OR6N1: variants seen among roughly 807,000 people sequenced by gnomAD.
OR6N1 encodes olfactory receptor family 6 subfamily N member 1, also known as olfactory receptor 6N1.
For missense variants in OR6N1, 394 were observed against 371.7 expected (o/e 1.06, Z -0.49); for synonymous variants, 170 against 150.7 (o/e 1.13, Z -0.94).
At chr1:158,779,285 G>GT in the OR6N1 span, among the ~76,000 whole-genome samples, 1 of 152,126 alleles carries the variant, frequency 6.6e-6, no homozygotes, top group African/African-American at 2.4e-5. Flanking sequence ...ACCATACCCT[G>GT]TGTAGATCAT....
chr1:158,831,868 T>G, the OR6N1 span, among the ~76,000 whole-genome samples: 2 of 152,138 alleles, frequency 1.3e-5, no homozygotes, highest in African/African-American at 4.8e-5. Flanking sequence ...ACTTGGTGAC[T>G]GGGTTTGGGC....
chr1:158,825,941 A>G, the OR6N1 span, among the ~76,000 whole-genome samples: 1 of 152,208 alleles, frequency 6.6e-6, no homozygotes, highest in African/African-American at 2.4e-5. Context: ...AATACTACAC[A>G]GCCATAAAAA....
the OR6N1 span, among the ~76,000 whole-genome samples, chr1:158,817,118 G>A: frequency 6.6e-6 from 1 of 152,280 alleles, no homozygotes; most frequent in Admixed American, 6.5e-5. Context: ...GAGTACGAAG[G>A]TTTTCAGAAA....
the OR6N1 span, among the ~76,000 whole-genome samples, chr1:158,836,577 T>C: frequency 1.3e-5 from 2 of 151,970 alleles, no homozygotes; most frequent in African/African-American, 2.4e-5. Flanking sequence ...TGTTCTCTTT[T>C]TAGTTTCTGA....
upstream of OR6N1, chr1:158,777,119 C>G (rs1211755840): frequency 6.2e-7 from 1 of 1,614,032 alleles, no homozygotes; most frequent in Non-Finnish European, 8.5e-7. Flanking sequence ...TGTTGGATTT[C>G]ATTGTAAGCA....
chr1:158,789,040 C>G, the OR6N1 span, among the ~76,000 whole-genome samples: 1 of 152,140 alleles, frequency 6.6e-6, no homozygotes, highest in African/African-American at 2.4e-5. Context: ...CAACAACCAA[C>G]TTTCTATCTT....
At chr1:158,806,289 T>C in the OR6N1 span, among the ~76,000 whole-genome samples, 1 of 152,142 alleles carries the variant, frequency 6.6e-6, no homozygotes, top group African/African-American at 2.4e-5. Context: ...CAAGATAAAT[T>C]TGGACCCTTA....
At chr1:158,822,358 T>C in the OR6N1 span, among the ~76,000 whole-genome samples, 230 of 152,316 alleles carry the variant, frequency 1.5e-3, no homozygotes, top group Non-Finnish European at 2.6e-3. Flanking sequence ...TCCATGTGTT[T>C]GTGTCATCTC....
the OR6N1 span, among the ~76,000 whole-genome samples, chr1:158,821,617 C>T: frequency 6.6e-6 from 1 of 152,120 alleles, no homozygotes; most frequent in East Asian, 1.9e-4. Context: ...CTTAATGTCT[C>T]ATTTCTTCTA....
chr1:158,776,611 G>T, upstream of OR6N1: 1 of 816,520 alleles, frequency 1.2e-6, no homozygotes, highest in Non-Finnish European at 2.0e-6. Flanking sequence ...GAGCATGTGT[G>T]ATGATGGGAA....
the OR6N1 span, among the ~76,000 whole-genome samples, chr1:158,804,383 G>T: frequency 6.6e-6 from 1 of 152,194 alleles, no homozygotes; most frequent in African/African-American, 2.4e-5. Flanking sequence ...TAAAAAACAA[G>T]TCATCATTTT....
At chr1:158,782,584 C>T in the OR6N1 span, among the ~76,000 whole-genome samples, 1 of 152,130 alleles carries the variant, frequency 6.6e-6, no homozygotes. Context: ...TCATATTAGG[C>T]AATTTTAGGT....
At chr1:158,766,990 T>C (rs1378576322) in intron 1 of OR6N1, among the ~76,000 whole-genome samples, 1 of 152,196 alleles carries the variant, frequency 6.6e-6, no homozygotes, top group Non-Finnish European at 1.5e-5. Context: ...AGAATCTATA[T>C]AGATTTTAGA....
the OR6N1 span, among the ~76,000 whole-genome samples, chr1:158,816,959 C>T: frequency 6.6e-6 from 1 of 152,332 alleles, no homozygotes. Context: ...CACAGTCACT[C>T]AGTCTGCTGG....
At chr1:158,778,886 C>T in the OR6N1 span, among the ~76,000 whole-genome samples, 1 of 151,646 alleles carries the variant, frequency 6.6e-6, no homozygotes, top group East Asian at 1.9e-4. Context: ...GGCGTGGTGG[C>T]GGGCACCTGC....
the OR6N1 span, among the ~76,000 whole-genome samples, chr1:158,782,145 A>G: frequency 6.6e-6 from 1 of 152,188 alleles, no homozygotes; most frequent in Non-Finnish European, 1.5e-5. Flanking sequence ...TTACCTATGT[A>G]CCCTCAGGCA....
chr1:158,777,463 G>C, the OR6N1 span: 3 of 1,614,190 alleles, frequency 1.9e-6, no homozygotes, highest in Non-Finnish European at 2.5e-6. Flanking sequence ...GTGGTACATA[G>C]GTGTGTGCAG....
rs887830624 is a variant in OR6N1 at position 158,766,534 on chromosome 1, C to A, written c.149G>T (p.Cys50Phe). 2.5e-6 allele frequency: 4 copies of A among 1,613,892 alleles called. No individual in the cohort carries two copies. Among genetic ancestry groups the A allele is most frequent in the African/African-American group, 2.7e-5 (2 of 74,866 alleles). Reference sequence around the variant, plus strand: ...GGGTGTGTGAAGCCGGGAGTCCAGGCAGACCACCAGGAATATCAGCAGGTT... The same window carrying A: ...GGGTGTGTGAAGCCGGGAGTCCAGGAAGACCACCAGGAATATCAGCAGGTT... ...LGNLLIFLVV[C>F]LDSRLHTPMY... The change falls in exon 2 of 2, where the codon TGC becomes TTC. Residue 50 changes from cysteine to phenylalanine, a missense_variant. Physicochemically the swap from Cys to Phe is radical, Grantham distance 205. Transcript: ENST00000641846.
At chr1:158,832,099 T>C in the OR6N1 span, among the ~76,000 whole-genome samples, 1 of 152,150 alleles carries the variant, frequency 6.6e-6, no homozygotes, top group Non-Finnish European at 1.5e-5. Context: ...TTACAACAAG[T>C]GTAAGAAGAA....
Sources: gnomAD v4.1 joint callset for allele counts (sites outside exome capture counted in the v4.1 genomes callset) on GRCh38, gnomAD v4.1.1 for gene constraint, MANE v1.5 for transcripts, NCBI Gene and HGNC (gene_info 2026-07-23, HGNC 2026-07-21) for gene names.